FOXP2: variants seen among roughly 807,000 people sequenced by gnomAD.
FOXP2 encodes the protein forkhead box protein P2.
FOXP2 carries 12 observed loss-of-function variants against 115.8 expected under a neutral mutation model. The ratio of observed to expected loss-of-function variants is 0.10; its 90% CI spans 0.07 to 0.17. FOXP2 has a LOEUF of 0.17. Among genes scored for constraint, FOXP2 ranks in the 10% least tolerant of loss-of-function variants. The probability of loss-of-function intolerance (pLI) is 1.00; values close to 1 mark genes in which losing one functional copy is unlikely to be tolerated. For synonymous variants in FOXP2, 328 were observed against 297.7 expected, an observed-to-expected ratio of 1.10 and a Z score of -1.05; for missense variants, 629 against 843.5, an observed-to-expected ratio of 0.75 and a Z score of 3.15.
At chr7:114,201,865 C>T (rs559075756) in intron 1 of FOXP2, among the ~76,000 whole-genome samples, 112 of 152,284 alleles carry the variant, frequency 7.4e-4, no homozygotes, top group African/African-American at 2.3e-3. Flanking sequence ...TGAAACTCTA[C>T]TTGATACTAC....
chr7:114,458,565 T>TG (rs1459457034), intron 2 of FOXP2, among the ~76,000 whole-genome samples: 2 of 148,428 alleles, frequency 1.3e-5, no homozygotes, highest in African/African-American at 5.0e-5. Flanking sequence ...TTTTTTTTTT[T>TG]GAGACAGGAT....
chr7:114,390,095 G>A (rs1399178090), intron 2 of FOXP2, among the ~76,000 whole-genome samples: 1 of 150,662 alleles, frequency 6.6e-6, no homozygotes, highest in Non-Finnish European at 1.5e-5. Flanking sequence ...TTTCTGTGGT[G>A]TAAATATTGT....
chr7:114,290,518 T>C (rs1371700607), intron 2 of FOXP2, among the ~76,000 whole-genome samples: 1 of 152,108 alleles, frequency 6.6e-6, no homozygotes, highest in Admixed American at 6.6e-5. Flanking sequence ...TAAATACTTA[T>C]TAAAGATTAG....
chr7:114,499,178 G>T (rs1023570955), intron 2 of FOXP2: 6 of 441,544 alleles, frequency 1.4e-5, no homozygotes, highest in African/African-American at 4.0e-5. Context: ...ATGAGATCCA[G>T]CTCACTTTTG....
intron 2 of FOXP2, among the ~76,000 whole-genome samples, chr7:114,427,000 A>G (rs549565017): frequency 2.4e-4 from 36 of 151,626 alleles, no homozygotes; most frequent in African/African-American, 8.7e-4. Flanking sequence ...AGAACGTGAT[A>G]CTTAGTTTTC....
rs1190124247 is a variant in FOXP2 at position 114,587,880 on chromosome 7, A to ATATATATATATATATAT, written c.259-40660_259-40659insTATATATATATATATAT. On this transcript the variant is annotated intron_variant, in intron 3 of 16. Coordinates refer to ENST00000350908, the MANE Select transcript of FOXP2 (RefSeq NM_014491.4). ...TAATTGGGTGAATAAGAGATAATTA[A>ATATATATATATATATAT]ATCCACCTTTCTTAGTGCCTTATTA... 7.8e-4 allele frequency among the ~76,000 whole-genome samples: 48 copies of ATATATATATATATATAT among 61,424 alleles called. 1 individual carries two copies. The highest frequency in any genetic ancestry group is 2.0e-3 in the East Asian group (2 of 982). The allele number at this position is 61,424 out of a possible 152,430, so 40.3% of individuals were successfully genotyped here.
intron 1 of FOXP2, among the ~76,000 whole-genome samples, chr7:114,188,036 T>C (rs1293417276): frequency 6.6e-6 from 1 of 151,964 alleles, no homozygotes; most frequent in Non-Finnish European, 1.5e-5. Context: ...TCAACATGAG[T>C]TTTGGAATGG....
chr7:114,533,515 T>G (rs1196635864), intron 2 of FOXP2, among the ~76,000 whole-genome samples: 1 of 151,980 alleles, frequency 6.6e-6, no homozygotes, highest in Non-Finnish European at 1.5e-5. Context: ...GATCATTGAT[T>G]ACAATCAAAA....
chr7:114,142,992 TA>T (rs2129147336), intron 1 of FOXP2, among the ~76,000 whole-genome samples: 1 of 151,626 alleles, frequency 6.6e-6, no homozygotes, highest in Non-Finnish European at 1.5e-5. Flanking sequence ...ACAGAAGATA[TA>T]AAAAATTAGT....
intron 2 of FOXP2, among the ~76,000 whole-genome samples, chr7:114,387,695 T>C (rs2129193455): frequency 6.6e-6 from 1 of 152,292 alleles, no homozygotes; most frequent in South Asian, 2.1e-4. Flanking sequence ...TTGTAGAATT[T>C]ATGAAAATAT....
intron 16 of FOXP2, among the ~76,000 whole-genome samples, chr7:114,675,240 A>G (rs1442617153): frequency 1.3e-5 from 2 of 152,124 alleles, no homozygotes; most frequent in Non-Finnish European, 2.9e-5. Flanking sequence ...TTGAATTTCC[A>G]TAATTTCCAT....
intron 2 of FOXP2, among the ~76,000 whole-genome samples, chr7:114,506,052 C>G (rs1330266704): frequency 4.1e-5 from 6 of 145,258 alleles, no homozygotes; most frequent in Non-Finnish European, 9.4e-5. Flanking sequence ...CAAAAAAAAG[C>G]TAATACCAGT....
At chr7:114,125,277 T>C (rs969298767) in intron 1 of FOXP2, among the ~76,000 whole-genome samples, 4 of 152,174 alleles carry the variant, frequency 2.6e-5, no homozygotes, top group Admixed American at 2.6e-4. Context: ...TCCTATTATA[T>C]AGTCAATAGT....
At position 114,693,111 on chromosome 7, in the gene FOXP2, A is replaced by G. The variant is rs1324741490; in HGVS notation, c.*3185A>G. On this transcript the variant is annotated 3_prime_UTR_variant, in exon 17 of 17. Coordinates refer to ENST00000350908, the MANE Select transcript of FOXP2 (RefSeq NM_014491.4). The stretch of plus-strand genomic sequence containing the variant: ...CTAGTGGGCTTAAGGCTTATATTCT[A>G]TGTGGTTGGATTCGTGGCACAGTTG... 2.2e-6 allele frequency: 1 copy of G among 453,944 alleles called. No individual in the cohort carries two copies. The highest frequency in any genetic ancestry group is 6.9e-5 in the East Asian group (1 of 14,392). 28.1% of individuals were successfully genotyped at this position (453,944 alleles called of 1,614,324 possible).
intron 1 of FOXP2, among the ~76,000 whole-genome samples, chr7:114,244,029 T>C (rs997644472): frequency 2.6e-5 from 4 of 152,172 alleles, no homozygotes; most frequent in African/African-American, 9.7e-5. Context: ...ACCTGTTTTC[T>C]TTGGCTCTAG....
intron 3 of FOXP2, among the ~76,000 whole-genome samples, chr7:114,600,429 C>T (rs1409801746): frequency 6.6e-6 from 1 of 152,160 alleles, no homozygotes; most frequent in Non-Finnish European, 1.5e-5. Flanking sequence ...TATTGAAAGA[C>T]ATCTTGATTG....
chr7:114,476,111 G>A (rs1431479800), intron 2 of FOXP2, among the ~76,000 whole-genome samples: 1 of 147,018 alleles, frequency 6.8e-6, no homozygotes, highest in Non-Finnish European at 1.5e-5. Context: ...TTCTGCAGAA[G>A]CTCTTAAGTT....
At chr7:114,236,908 T>C (rs1584566942) in intron 1 of FOXP2, among the ~76,000 whole-genome samples, 1 of 151,978 alleles carries the variant, frequency 6.6e-6, no homozygotes, top group Non-Finnish European at 1.5e-5. Context: ...ACCCAGGAGG[T>C]GAAGGCTGCA....
intron 2 of FOXP2, among the ~76,000 whole-genome samples, chr7:114,473,944 TC>T (rs1231468168): frequency 2.6e-5 from 4 of 152,154 alleles, no homozygotes; most frequent in Non-Finnish European, 5.9e-5. Flanking sequence ...GCCATTGCCA[TC>T]TTTTTCTTTA....
Sources: gnomAD v4.1 joint callset for allele counts (sites outside exome capture counted in the v4.1 genomes callset) on GRCh38, gnomAD v4.1.1 for gene constraint, MANE v1.5 for transcripts, NCBI Gene and HGNC (gene_info 2026-07-23, HGNC 2026-07-21) for gene names.